Variants in R3HDM1 observed in about 807,000 individuals in gnomAD.
R3HDM1 encodes the protein R3H domain-containing protein 1.
Under a neutral mutation model 141.1 loss-of-function variants are expected in R3HDM1, and 46 were observed. The observed-to-expected ratio is 0.33, with a 90% CI of 0.26 to 0.42. The LOEUF is 0.42. Ranked by LOEUF, R3HDM1 falls within the 10% of genes least tolerant of loss-of-function variation. The pLI is 1.00. For synonymous variants in R3HDM1, 435 were observed against 472.9 expected, an observed-to-expected ratio of 0.92 and a Z score of 1.04; for missense variants, 1,184 against 1,368.3, an observed-to-expected ratio of 0.87 and a Z score of 2.12.
At position 135,709,502 on chromosome 2, in the gene R3HDM1, C is replaced by G; in HGVS notation, c.2529C>G (p.Cys843Trp). The G allele has an allele frequency of 1.2e-6, 2 of 1,614,108 alleles. No individual in the cohort carries two copies. Among genetic ancestry groups the G allele is most frequent in the Admixed American group, 1.7e-5 (1 of 60,014 alleles). Reference protein sequence around the residue: ...QVQFPRTTSPCSSQQLQGHQC... With the variant: ...QVQFPRTTSPWSSQQLQGHQC... ...AATTTCCTCGAACCACTTCACCATGCAGTTCCCAGCAGCTTCAAGGCCACC... is the reference window on the plus strand; with the variant it reads ...AATTTCCTCGAACCACTTCACCATGGAGTTCCCAGCAGCTTCAAGGCCACC... Residue 843 changes from cysteine to tryptophan, a missense_variant, in exon 22 of 27, where the codon TGC (cysteine) becomes TGG (tryptophan). By Grantham distance (215) the Cys-to-Trp change is radical (BLOSUM62 -2). Around this residue, in one of 5 missense-constraint regions of R3HDM1, gnomAD observed 563 missense variants for 562.0 expected, o/e 1.00. Coordinates refer to ENST00000683871, the MANE Select transcript of R3HDM1 (RefSeq NM_001378107.1).
intron 1 of R3HDM1, chr2:135,536,793 C>T (rs1449027686): frequency 2.4e-6 from 2 of 829,168 alleles, no homozygotes; most frequent in Non-Finnish European, 2.9e-6. Context: ...GTGCAGTGGA[C>T]CGGTGAACAT....
At chr2:135,682,607 T>C (rs1396554838) in intron 21 of R3HDM1, among the ~76,000 whole-genome samples, 1 of 152,206 alleles carries the variant, frequency 6.6e-6, no homozygotes, top group Non-Finnish European at 1.5e-5. Flanking sequence ...AAATAAAAAA[T>C]TTTTAAGAGC....
chr2:135,646,248 G>A (rs1020599509), intron 16 of R3HDM1, among the ~76,000 whole-genome samples: 1 of 150,158 alleles, frequency 6.7e-6, no homozygotes, highest in Non-Finnish European at 1.5e-5. Flanking sequence ...CCATTCTCCT[G>A]CCTCAGCCTC....
chr2:135,716,812 C>T (rs759652724), intron 24 of R3HDM1, among the ~76,000 whole-genome samples: 32 of 151,978 alleles, frequency 2.1e-4, no homozygotes, highest in Non-Finnish European at 1.9e-4. Flanking sequence ...ACAAGCTGGG[C>T]GTGGTGGCAG....
In R3HDM1 at chr2:135,649,652, A is replaced by G. The variant is rs1314843136; in HGVS notation, c.1624-250A>G. ...TGTTCCCGTTAATCTATAATAAAGAAATATTTTATTGCAAAAAATTATTCT... is the reference window on the plus strand; with the variant it reads ...TGTTCCCGTTAATCTATAATAAAGAGATATTTTATTGCAAAAAATTATTCT... On this transcript the variant is annotated intron_variant, in intron 16 of 26. Coordinates refer to ENST00000683871, the MANE Select transcript of R3HDM1 (RefSeq NM_001378107.1). 5.9e-5 allele frequency among the ~76,000 whole-genome samples: 9 copies of G among 152,290 alleles called. No homozygotes were observed. The East Asian group carries it at 1.7e-3, about 29-fold the overall frequency.
intron 1 of R3HDM1, among the ~76,000 whole-genome samples, chr2:135,556,943 T>TG (rs1473037608): frequency 2.6e-5 from 4 of 152,382 alleles, no homozygotes; most frequent in Admixed American, 2.0e-4. Context: ...TAGATCATAT[T>TG]GCTCTAGCAT....
intron 5 of R3HDM1, among the ~76,000 whole-genome samples, chr2:135,617,685 C>T (rs1365856363): frequency 1.3e-5 from 2 of 152,144 alleles, no homozygotes; most frequent in South Asian, 2.1e-4. Context: ...TCTCATGTTA[C>T]ATCTGTATAT....
rs754557415 is a variant in R3HDM1, at chr2:135,715,582, A to G, written c.2769A>G (p.Ser923=). The part of the protein sequence containing the change: ...HSPQLSSPII[S]PAQSPAPAQL... ...CTCAACTCAGTAGCCCCATTATTTC[A>G]CCAGCTCAGTCGCCAGCACCAGCTC... The change falls in exon 24 of 27, where the codon TCA becomes TCG. Residue 923 remains serine, a synonymous_variant. Coordinates refer to ENST00000683871, the MANE Select transcript of R3HDM1 (RefSeq NM_001378107.1). 8 of 1,613,946 alleles carry G rather than the reference A, an allele frequency of 5.0e-6. No individual in the cohort carries two copies. Among genetic ancestry groups the G allele is most frequent in the Non-Finnish European group, 6.8e-6 (8 of 1,179,964 alleles).
intron 1 of R3HDM1, among the ~76,000 whole-genome samples, chr2:135,582,591 TG>T (rs928475868): frequency 3.3e-5 from 5 of 152,062 alleles, no homozygotes; most frequent in Non-Finnish European, 7.4e-5. Context: ...GTGCAGGGAA[TG>T]GGGGAAGTCT....
chr2:135,654,090 A>G (rs1202859725), intron 18 of R3HDM1, among the ~76,000 whole-genome samples: 1 of 152,118 alleles, frequency 6.6e-6, no homozygotes, highest in Non-Finnish European at 1.5e-5. Context: ...TCATCACTCT[A>G]AAAGGAAACC....
intron 18 of R3HDM1, among the ~76,000 whole-genome samples, chr2:135,655,355 C>G (rs2065699805): frequency 6.6e-6 from 1 of 152,168 alleles, no homozygotes; most frequent in African/African-American, 2.4e-5. Flanking sequence ...TTCCTGGGCT[C>G]TCACCTTACC....
At chr2:135,643,757 T>C (rs910317895) in intron 15 of R3HDM1, among the ~76,000 whole-genome samples, 6 of 152,208 alleles carry the variant, frequency 3.9e-5, no homozygotes, top group Non-Finnish European at 4.4e-5. Context: ...GTGGTACATA[T>C]ACACCATTAA....
chr2:135,600,681 TCC>T (rs2059556230), intron 1 of R3HDM1, among the ~76,000 whole-genome samples: 1 of 152,188 alleles, frequency 6.6e-6, no homozygotes, highest in South Asian at 2.1e-4. Flanking sequence ...ATTGACTCCT[TCC>T]CAGGCAATAA....
chr2:135,680,119 T>C, intron 20 of R3HDM1, 54 bp from the exon 21 acceptor site: 1 of 1,531,442 alleles, frequency 6.5e-7, no homozygotes, highest in South Asian at 1.1e-5. Context: ...ACATAAACAT[T>C]TACAAGGCCT....
intron 1 of R3HDM1, chr2:135,583,692 T>C (rs1707274001): frequency 1.0e-6 from 1 of 966,380 alleles, no homozygotes; most frequent in African/African-American, 1.8e-5. Flanking sequence ...TTGCTCTTTT[T>C]ATTTAGAATG....
chr2:135,651,397 T>G (rs1453592997), intron 17 of R3HDM1: 2 of 983,056 alleles, frequency 2.0e-6, no homozygotes, highest in Non-Finnish European at 2.4e-6. Flanking sequence ...AATATGAACT[T>G]GGCCAATTTC....
In R3HDM1 at chr2:135,639,288, T is replaced by G. The variant is rs895394237; in HGVS notation, c.1219+166T>G. The G allele has an allele frequency of 4.8e-6, 3 of 622,060 alleles. No homozygotes were observed. The South Asian group carries it at 6.1e-5, about 13-fold the overall frequency. 38.5% of individuals were successfully genotyped at this position (622,060 alleles called of 1,614,324 possible). ...TTAAGGGGTAATATGTTTCTTGACATGAGGATTCACTCTCTGTCCTGGACA... is the reference window on the plus strand; with the variant it reads ...TTAAGGGGTAATATGTTTCTTGACAGGAGGATTCACTCTCTGTCCTGGACA... On this transcript the variant is annotated intron_variant, in intron 14 of 26. Transcript: ENST00000683871.
rs763049625 is a variant in R3HDM1 at position 135,710,192 on chromosome 2, G to C, written c.2697G>C (p.Gln899His). ...ATTACTGTGATCACCAGAGAGGACAGAAGTGTGTAGAATTTAGCAGTGTAG... is the reference window on the plus strand; with the variant it reads ...ATTACTGTGATCACCAGAGAGGACACAAGTGTGTAGAATTTAGCAGTGTAG... ...NKYYCDHQRG[Q>H]KCVEFSSVDN... The change falls in exon 23 of 27, where the codon CAG becomes CAC. Residue 899 changes from glutamine to histidine, a missense_variant. Transcript: ENST00000683871. 6.2e-7 allele frequency: 1 copy of C among 1,614,194 alleles called. No individual in the cohort carries two copies. The highest frequency in any genetic ancestry group is 1.1e-5 in the South Asian group (1 of 91,082).
intron 20 of R3HDM1, among the ~76,000 whole-genome samples, chr2:135,678,305 G>A (rs924088392): frequency 6.6e-6 from 1 of 151,900 alleles, no homozygotes; most frequent in Non-Finnish European, 1.5e-5. Flanking sequence ...ATAGAGAACA[G>A]TGAAGTGATT....
Sources: allele counts gnomAD v4.1 joint callset (sites outside exome capture counted in the v4.1 genomes callset), GRCh38; gene constraint gnomAD v4.1.1; regional missense constraint gnomAD v4.1.1; transcripts MANE v1.5; gene names NCBI Gene and HGNC (gene_info 2026-07-23, HGNC 2026-07-21).